RBFOX1: variants seen among roughly 807,000 people sequenced by gnomAD.
RBFOX1 encodes the protein RNA binding protein fox-1 homolog 1.
In RBFOX1, 8 loss-of-function variants were observed where a neutral mutation model predicts 57.7. The ratio of observed to expected loss-of-function variants is 0.14; its 90% CI spans 0.08 to 0.25. The LOEUF (loss-of-function observed/expected upper bound fraction) is 0.25. Ranked by LOEUF, RBFOX1 falls within the 10% of genes least tolerant of loss-of-function variation. RBFOX1 has a pLI of 1.00. For missense variants in RBFOX1, 611 were observed against 548.5 expected (o/e 1.11, Z -1.14); for synonymous variants, 326 against 222.4 (o/e 1.47, Z -4.15).
intron 4 of RBFOX1, among the ~76,000 whole-genome samples, chr16:7,116,768 G>C (rs2065989313): frequency 6.6e-6 from 1 of 152,098 alleles, no homozygotes; most frequent in Admixed American, 6.6e-5. Flanking sequence ...GACAGGTATT[G>C]ACCACCTCCT....
At chr16:6,721,260 T>C (rs940103378) in intron 3 of RBFOX1, among the ~76,000 whole-genome samples, 2 of 152,110 alleles carry the variant, frequency 1.3e-5, no homozygotes, top group African/African-American at 4.8e-5. Context: ...CTGGCCAACA[T>C]GGTAAAACCC....
At chr16:5,753,790 C>T (rs1277230786) in intron 3 of RBFOX1, among the ~76,000 whole-genome samples, 1 of 151,934 alleles carries the variant, frequency 6.6e-6, no homozygotes, top group Non-Finnish European at 1.5e-5. Context: ...TTAGCACATT[C>T]CATCTCATTT....
At chr16:7,520,777 G>T (rs377274048) in intron 5 of RBFOX1, among the ~76,000 whole-genome samples, 4 of 152,262 alleles carry the variant, frequency 2.6e-5, no homozygotes, top group East Asian at 3.9e-4. Context: ...GCTATTTTGT[G>T]ACAATTAATA....
intron 1 of RBFOX1, among the ~76,000 whole-genome samples, chr16:6,189,405 C>T (rs1334108761): frequency 6.6e-6 from 1 of 152,218 alleles, no homozygotes; most frequent in Non-Finnish European, 1.5e-5. Context: ...AACTCCTCAG[C>T]TGTTAATGCA....
At chr16:7,238,273 G>A (rs561699940) in intron 4 of RBFOX1, among the ~76,000 whole-genome samples, 186 of 152,150 alleles carry the variant, frequency 1.2e-3, no homozygotes, top group African/African-American at 4.5e-3. Context: ...GTTGGGAATG[G>A]CTGTGCAACA....
chr16:6,558,496 C>T (rs1433787104), intron 2 of RBFOX1, among the ~76,000 whole-genome samples: 4 of 152,064 alleles, frequency 2.6e-5, no homozygotes, highest in South Asian at 2.1e-4. Flanking sequence ...TCATCTGTCA[C>T]GTTGGAAGGA....
chr16:6,568,245 G>T (rs2097295089), intron 2 of RBFOX1, among the ~76,000 whole-genome samples: 1 of 152,178 alleles, frequency 6.6e-6, no homozygotes, highest in South Asian at 2.1e-4. Flanking sequence ...TTCCTTGTGA[G>T]GTGGTGGTTC....
At chr16:5,686,485 G>T (rs1170840458) in intron 3 of RBFOX1, among the ~76,000 whole-genome samples, 1 of 152,110 alleles carries the variant, frequency 6.6e-6, no homozygotes, top group Non-Finnish European at 1.5e-5. Flanking sequence ...TGTTTCCTGT[G>T]CCTCCACTGA....
chr16:7,533,999 A>C (rs9925703), intron 5 of RBFOX1, among the ~76,000 whole-genome samples: 13,138 of 151,970 alleles, frequency 0.086, 1,549 homozygotes, highest in African/African-American at 0.27. Context: ...GGTTGTGTAA[A>C]TTGTTCCAAA....
chr16:7,700,845 T>C (rs2080446966), intron 14 of RBFOX1, among the ~76,000 whole-genome samples: 5 of 151,902 alleles, frequency 3.3e-5, no homozygotes, highest in Admixed American at 3.3e-4. Flanking sequence ...TAGGAAGAGG[T>C]TTTGAATGGC....
At chr16:7,452,750 T>C (rs1462162202) in intron 4 of RBFOX1, among the ~76,000 whole-genome samples, 1 of 152,182 alleles carries the variant, frequency 6.6e-6, no homozygotes, top group East Asian at 1.9e-4. Flanking sequence ...CTCCTGATCA[T>C]GGCTGCCAAG....
At chr16:5,355,670 C>T (rs1323900177) in intron 1 of RBFOX1, among the ~76,000 whole-genome samples, 1 of 152,190 alleles carries the variant, frequency 6.6e-6, no homozygotes, top group Non-Finnish European at 1.5e-5. Flanking sequence ...GGTCCAAGTC[C>T]TAACCCCTGG....
intron 2 of RBFOX1, among the ~76,000 whole-genome samples, chr16:5,490,652 C>G (rs1282414425): frequency 6.6e-6 from 1 of 152,134 alleles, no homozygotes; most frequent in Non-Finnish European, 1.5e-5. Flanking sequence ...TATCTGTGAG[C>G]TCCGAGCATC....
chr16:5,891,893 C>T (rs187326669), intron 4 of RBFOX1, among the ~76,000 whole-genome samples: 7 of 152,296 alleles, frequency 4.6e-5, no homozygotes, highest in South Asian at 4.1e-4. Context: ...CAGCAGCACA[C>T]GTTGCGCAGG....
chr16:6,545,732 T>G (rs544249561), intron 2 of RBFOX1, among the ~76,000 whole-genome samples: 141 of 152,322 alleles, frequency 9.3e-4, no homozygotes, highest in Non-Finnish European at 1.8e-3. Flanking sequence ...TACGAAGGGC[T>G]TATAATGTGC....
chr16:6,590,872 A>G (rs1199981518), intron 2 of RBFOX1, among the ~76,000 whole-genome samples: 1 of 152,052 alleles, frequency 6.6e-6, no homozygotes, highest in East Asian at 1.9e-4. Context: ...AGTTATAAGG[A>G]GTGACCCGTG....
chr16:6,230,715 A>T (rs1317698652), intron 1 of RBFOX1, among the ~76,000 whole-genome samples: 2 of 152,212 alleles, frequency 1.3e-5, no homozygotes, highest in Non-Finnish European at 2.9e-5. Flanking sequence ...CAAATATCTT[A>T]TGCGGATAGC....
intron 4 of RBFOX1, among the ~76,000 whole-genome samples, chr16:5,941,873 C>A (rs540652238): frequency 2.0e-5 from 3 of 151,854 alleles, no homozygotes; most frequent in African/African-American, 7.3e-5. Flanking sequence ...TCCCCTTTTC[C>A]GGCCTGAGTC....
At chr16:5,409,313 C>G (rs1280438193) in intron 1 of RBFOX1, among the ~76,000 whole-genome samples, 1 of 152,222 alleles carries the variant, frequency 6.6e-6, no homozygotes, top group East Asian at 1.9e-4. Context: ...GGTGTGTCCA[C>G]TCCTAGAGCT....
Sources: gnomAD v4.1 joint callset for allele counts (sites outside exome capture counted in the v4.1 genomes callset) on GRCh38, gnomAD v4.1.1 for gene constraint, MANE v1.5 for transcripts, NCBI Gene and HGNC (gene_info 2026-07-23, HGNC 2026-07-21) for gene names.